Variants in ARHGEF3 observed in about 807,000 individuals in gnomAD.
ARHGEF3 encodes Rho guanine nucleotide exchange factor 3, also known as 59.8 kDA protein.
Under a neutral mutation model 63.2 loss-of-function variants are expected in ARHGEF3, and 28 were observed. The observed-to-expected ratio is 0.44, with a 90% CI of 0.33 to 0.61. The LOEUF (loss-of-function observed/expected upper bound fraction) is 0.61. Among genes scored for constraint, ARHGEF3 ranks in the 20% least tolerant of loss-of-function variants. The probability of loss-of-function intolerance (pLI) is 0.03; values close to 1 mark genes in which losing one functional copy is unlikely to be tolerated. For synonymous variants in ARHGEF3, 266 were observed against 254.2 expected, an observed-to-expected ratio of 1.05 and a Z score of -0.44; for missense variants, 533 against 659.3, an observed-to-expected ratio of 0.81 and a Z score of 2.10.
chr3:56,805,555 C>T (rs1438258704), upstream of ARHGEF3, among the ~76,000 whole-genome samples: 2 of 152,180 alleles, frequency 1.3e-5, no homozygotes, highest in Non-Finnish European at 2.9e-5. Flanking sequence ...TGTTAAAGTG[C>T]AACTTAGGTT....
chr3:56,758,755 T>C, intron 2 of ARHGEF3, among the ~76,000 whole-genome samples: 1 of 152,154 alleles, frequency 6.6e-6, no homozygotes, highest in Non-Finnish European at 1.5e-5. Flanking sequence ...TGCACACAGA[T>C]CGCCAGCACT....
chr3:57,063,883 G>T (rs1193057130), intron 1 of ARHGEF3, among the ~76,000 whole-genome samples: 3 of 152,184 alleles, frequency 2.0e-5, no homozygotes, highest in Non-Finnish European at 2.9e-5. Context: ...ATAGACAAAA[G>T]GTGGAAGCAA....
chr3:56,837,004 C>T (rs1255717195), intron 4 of ARHGEF3, among the ~76,000 whole-genome samples: 1 of 152,184 alleles, frequency 6.6e-6, no homozygotes, highest in African/African-American at 2.4e-5. Flanking sequence ...ATCTTTATTT[C>T]ACCCTCTTCC....
At chr3:57,043,082 G>A (rs1419611376) in intron 1 of ARHGEF3, among the ~76,000 whole-genome samples, 1 of 151,658 alleles carries the variant, frequency 6.6e-6, no homozygotes, top group African/African-American at 2.4e-5. Flanking sequence ...TGGGACGGCT[G>A]GAAGCTAAGA....
intron 3 of ARHGEF3, among the ~76,000 whole-genome samples, chr3:56,906,249 G>A (rs974327411): frequency 3.9e-5 from 6 of 152,184 alleles, no homozygotes; most frequent in African/African-American, 1.4e-4. Context: ...CTCCTCAGCT[G>A]TACTAGTCAC....
intron 4 of ARHGEF3, among the ~76,000 whole-genome samples, chr3:56,862,552 C>T (rs2040112675): frequency 6.6e-6 from 1 of 152,208 alleles, no homozygotes; most frequent in African/African-American, 2.4e-5. Flanking sequence ...CCCCCTCCGC[C>T]TGGGAACCCC....
intron 2 of ARHGEF3, among the ~76,000 whole-genome samples, chr3:56,974,487 G>A (rs1701045818): frequency 1.3e-5 from 2 of 152,162 alleles, no homozygotes; most frequent in African/African-American, 4.8e-5. Context: ...TAAGCTCACT[G>A]TCAGCTGGTC....
intron 3 of ARHGEF3, among the ~76,000 whole-genome samples, chr3:56,895,530 C>G (rs1256386535): frequency 6.6e-6 from 1 of 151,280 alleles, no homozygotes; most frequent in Admixed American, 6.6e-5. Context: ...GTGGCGCTAT[C>G]TTGGCTCACT....
intron 4 of ARHGEF3, among the ~76,000 whole-genome samples, chr3:56,823,003 C>T (rs574853912): frequency 1.3e-5 from 2 of 152,062 alleles, no homozygotes. Flanking sequence ...GTGGTGTTTC[C>T]GTAAATATTG....
At chr3:57,071,816 T>C (rs1253680603) in intron 1 of ARHGEF3, among the ~76,000 whole-genome samples, 1 of 151,854 alleles carries the variant, frequency 6.6e-6, no homozygotes, top group African/African-American at 2.4e-5. Flanking sequence ...AAGAACACCA[T>C]CAAGAAAGTG....
chr3:56,951,107 C>T (rs1466686286), intron 3 of ARHGEF3, among the ~76,000 whole-genome samples: 5 of 151,444 alleles, frequency 3.3e-5, no homozygotes, highest in African/African-American at 1.2e-4. Context: ...GGAAGGGGAA[C>T]ATCACACACC....
chr3:56,767,484 C>T (rs1368857980), intron 2 of ARHGEF3, among the ~76,000 whole-genome samples: 2 of 145,002 alleles, frequency 1.4e-5, no homozygotes, highest in Non-Finnish European at 1.5e-5. Context: ...CTGGGGAGGC[C>T]GAGACAGGAG....
intron 3 of ARHGEF3, among the ~76,000 whole-genome samples, chr3:56,921,021 C>T (rs1311996158): frequency 7.0e-6 from 1 of 143,078 alleles, no homozygotes; most frequent in Non-Finnish European, 1.5e-5. Context: ...CACCACTGCA[C>T]TCCAGCCTGG....
intron 3 of ARHGEF3, among the ~76,000 whole-genome samples, chr3:56,947,847 A>G (rs1699595742): frequency 6.6e-6 from 1 of 152,212 alleles, no homozygotes; most frequent in Non-Finnish European, 1.5e-5. Flanking sequence ...ACCACACCGC[A>G]CTTATTCCAA....
At chr3:57,025,844 T>C (rs1421326390) in intron 2 of ARHGEF3, among the ~76,000 whole-genome samples, 2 of 152,184 alleles carry the variant, frequency 1.3e-5, no homozygotes, top group Admixed American at 6.5e-5. Context: ...ACAGCCTCGA[T>C]AGATACTCAT....
chr3:57,002,916 G>A (rs1189250213), intron 2 of ARHGEF3, among the ~76,000 whole-genome samples: 8 of 151,272 alleles, frequency 5.3e-5, no homozygotes, highest in Admixed American at 5.3e-4. Context: ...TGGGACTACA[G>A]GCGCACGCCA....
At chr3:57,015,108 C>T (rs890155560) in intron 2 of ARHGEF3, among the ~76,000 whole-genome samples, 3 of 152,166 alleles carry the variant, frequency 2.0e-5, no homozygotes, top group South Asian at 2.1e-4. Context: ...CAAATCCAGC[C>T]GTCTGCCAGT....
chr3:57,002,424 C>CTATATATATATATATATATATATA lies in ARHGEF3; in HGVS notation c.62+32663_62+32664insTATATATATATATATATATATATA, dbSNP rs55778548. Among the ~76,000 whole-genome samples, 103 of 62,752 alleles carry CTATATATATATATATATATATATA rather than the reference C, an allele frequency of 1.6e-3. 2 individuals carry two copies. Among genetic ancestry groups the CTATATATATATATATATATATATA allele is most frequent in the African/African-American group, 4.0e-3 (79 of 19,632 alleles). The allele number at this position is 62,752 out of a possible 152,430, so 41.2% of individuals were successfully genotyped here. ...TATATGCCAGGCACTGTTCTAAGCA[C>CTATATATATATATATATATATATA]TATATATATATATATATGCCAGGCA... On this transcript the variant is annotated intron_variant, in intron 2 of 12. Coordinates refer to the ARHGEF3 transcript ENST00000338458.
intron 1 of ARHGEF3, among the ~76,000 whole-genome samples, chr3:57,056,463 C>T (rs1204119766): frequency 2.0e-5 from 3 of 150,382 alleles, no homozygotes; most frequent in Non-Finnish European, 4.4e-5. Context: ...AATGTTTGAG[C>T]CAAACTAGAT....
Sources: gnomAD v4.1 joint callset for allele counts (sites outside exome capture counted in the v4.1 genomes callset) on GRCh38, gnomAD v4.1.1 for gene constraint, MANE v1.5 for transcripts, NCBI Gene and HGNC (gene_info 2026-07-23, HGNC 2026-07-21) for gene names.